RGS6: variants seen among roughly 807,000 people sequenced by gnomAD.
RGS6 encodes the protein regulator of G protein signaling 6.
A neutral mutation model predicts 78.5 loss-of-function variants in RGS6; 30 were observed. The ratio of observed to expected loss-of-function variants is 0.38; its 90% CI spans 0.29 to 0.52. The LOEUF is 0.52. RGS6 is among the 20% of genes least tolerant of loss of function. RGS6 has a pLI of 0.85. For synonymous variants in RGS6, 206 were observed against 206.0 expected (o/e 1.00, Z 0.00); for missense variants, 495 against 609.7 (o/e 0.81, Z 1.98).
the RGS6 span, among the ~76,000 whole-genome samples, chr14:71,887,447 G>A: frequency 6.6e-6 from 1 of 152,176 alleles, no homozygotes; most frequent in Non-Finnish European, 1.5e-5. Context: ...AAGTGGACGT[G>A]CAAGTAGGAG....
Position 71,941,275 on chromosome 14 carries a change from A to G in RGS6, c.-21+8334A>G, listed in dbSNP as rs529886701. ...AGGCATTTATTTTGCATAACTCTCTAAACAGTTTCTGCCAAGGACTATCAG... is the reference window on the plus strand; with the variant it reads ...AGGCATTTATTTTGCATAACTCTCTGAACAGTTTCTGCCAAGGACTATCAG... On this transcript the variant is annotated intron_variant, in intron 1 of 17. Transcript: ENST00000553525. 2.6e-5 allele frequency among the ~76,000 whole-genome samples: 4 copies of G among 152,284 alleles called. No individual in the cohort carries two copies. The East Asian group carries it at 7.7e-4, about 29-fold the overall frequency.
At chr14:72,096,007 GC>G (rs1406412922) in intron 2 of RGS6, among the ~76,000 whole-genome samples, 1 of 152,194 alleles carries the variant, frequency 6.6e-6, no homozygotes, top group Non-Finnish European at 1.5e-5. Context: ...AGTGGCTCAC[GC>G]CTGTAATCCC....
the RGS6 span, among the ~76,000 whole-genome samples, chr14:72,600,848 C>T: frequency 6.6e-6 from 1 of 151,748 alleles, no homozygotes; most frequent in Admixed American, 6.5e-5. Flanking sequence ...ATCCCCACCA[C>T]CAGCATAGGG....
chr14:71,985,983 A>C (rs180839502), intron 2 of RGS6, among the ~76,000 whole-genome samples: 4 of 152,362 alleles, frequency 2.6e-5, no homozygotes, highest in Admixed American at 1.3e-4. Flanking sequence ...ACAAAAGCAC[A>C]GTTCTGAGAA....
intron 2 of RGS6, among the ~76,000 whole-genome samples, chr14:72,277,637 C>A (rs2060902191): frequency 6.6e-6 from 1 of 151,646 alleles, no homozygotes; most frequent in East Asian, 1.9e-4. Context: ...AATCTCTACT[C>A]TCCAGGCCAG....
At chr14:72,332,509 G>A (rs541180134) in intron 2 of RGS6, among the ~76,000 whole-genome samples, 1 of 152,324 alleles carries the variant, frequency 6.6e-6, no homozygotes. Context: ...GACACTGGAT[G>A]TCCCAACTAG....
At chr14:72,541,713 G>C in intron 17 of RGS6, 9 of 1,378,362 alleles carry the variant, frequency 6.5e-6, no homozygotes, top group Non-Finnish European at 8.8e-6. Flanking sequence ...ACAAGCCAAG[G>C]GTGCCTGTGT....
intron 2 of RGS6, among the ~76,000 whole-genome samples, chr14:71,983,853 C>T (rs906679176): frequency 6.6e-6 from 1 of 152,230 alleles, no homozygotes; most frequent in Non-Finnish European, 1.5e-5. Context: ...AGACACAACT[C>T]AATCCACAAC....
At chr14:72,407,425 C>T (rs1195764745) in intron 3 of RGS6, among the ~76,000 whole-genome samples, 1 of 152,144 alleles carries the variant, frequency 6.6e-6, no homozygotes, top group Non-Finnish European at 1.5e-5. Flanking sequence ...ATGAGTGCTA[C>T]GTGTCTGTAT....
chr14:72,124,381 G>A (rs188379588), intron 2 of RGS6, among the ~76,000 whole-genome samples: 7 of 152,148 alleles, frequency 4.6e-5, no homozygotes, highest in Admixed American at 2.6e-4. Flanking sequence ...TCTTAATAAC[G>A]AACACAATAC....
intron 1 of RGS6, among the ~76,000 whole-genome samples, chr14:71,957,804 C>T (rs995062232): frequency 7.2e-5 from 11 of 152,070 alleles, no homozygotes; most frequent in Admixed American, 2.6e-4. Context: ...CTCACCCTGT[C>T]GCCCTGGCTG....
At chr14:72,259,722 A>G (rs773676577) in intron 2 of RGS6, among the ~76,000 whole-genome samples, 28 of 151,852 alleles carry the variant, frequency 1.8e-4, no homozygotes, top group Non-Finnish European at 4.1e-4. Context: ...CCTGGCTAAC[A>G]TGGTGAAACC....
chr14:72,544,859 A>G (rs2097371015), intron 17 of RGS6, among the ~76,000 whole-genome samples: 1 of 152,172 alleles, frequency 6.6e-6, no homozygotes, highest in Non-Finnish European at 1.5e-5. Context: ...TGCAGAGAGA[A>G]ACTCCCAGCT....
At chr14:72,324,056 C>T (rs1225418393) in intron 2 of RGS6, among the ~76,000 whole-genome samples, 4 of 151,926 alleles carry the variant, frequency 2.6e-5, no homozygotes, top group Non-Finnish European at 5.9e-5. Context: ...CAACTGTACT[C>T]TCTCGTTATT....
At chr14:71,892,193 T>G in the RGS6 span, among the ~76,000 whole-genome samples, 1 of 152,218 alleles carries the variant, frequency 6.6e-6, no homozygotes, top group Non-Finnish European at 1.5e-5. Context: ...GGCAGTTTTT[T>G]GGAAGCAACT....
intron 3 of RGS6, among the ~76,000 whole-genome samples, chr14:72,352,555 A>T (rs1254849178): frequency 1.3e-5 from 2 of 152,216 alleles, no homozygotes; most frequent in East Asian, 3.8e-4. Context: ...CAAATTCTAC[A>T]AAATGCTTTT....
chr14:72,133,490 T>C (rs567239185), intron 2 of RGS6, among the ~76,000 whole-genome samples: 80 of 152,226 alleles, frequency 5.3e-4, no homozygotes, highest in African/African-American at 1.8e-3. Flanking sequence ...AGTCTACTAT[T>C]ACTTACTGGT....
chr14:71,992,002 C>T (rs538657823), intron 2 of RGS6, among the ~76,000 whole-genome samples: 1 of 149,966 alleles, frequency 6.7e-6, no homozygotes, highest in Non-Finnish European at 1.5e-5. Context: ...CTGTAGTTTG[C>T]CTATGCTTGT....
At chr14:72,527,156 T>C (rs1487073906) in intron 15 of RGS6, among the ~76,000 whole-genome samples, 1 of 152,212 alleles carries the variant, frequency 6.6e-6, no homozygotes, top group African/African-American at 2.4e-5. Context: ...CCTGGTGTCT[T>C]GGCCATTACC....
Sources: allele counts gnomAD v4.1 joint callset (sites outside exome capture counted in the v4.1 genomes callset), GRCh38; gene constraint gnomAD v4.1.1; transcripts MANE v1.5; gene names NCBI Gene and HGNC (gene_info 2026-07-23, HGNC 2026-07-21).